The following TBC1D15 variants were observed in gnomAD, a reference collection of about 807,000 sequenced individuals.
TBC1D15 encodes the protein TBC1 domain family member 15.
A neutral mutation model predicts 95.4 loss-of-function variants in TBC1D15; 39 were observed. The ratio of observed to expected loss-of-function variants is 0.41; its 90% confidence interval spans 0.32 to 0.53. The LOEUF (loss-of-function observed/expected upper bound fraction) is 0.53. TBC1D15 is among the 20% of genes least tolerant of loss of function. The pLI is 0.29. For missense variants in TBC1D15, 733 were observed against 794.3 expected (o/e 0.92, Z 0.93); for synonymous variants, 258 against 261.3 (o/e 0.99, Z 0.12).
intron 10 of TBC1D15, among the ~76,000 whole-genome samples, chr12:71,903,608 G>A (rs2138841664): frequency 6.6e-6 from 1 of 152,278 alleles, no homozygotes; most frequent in African/African-American, 2.4e-5. Context: ...GAGAAGACAT[G>A]AAATCAGCCT....
At chr12:71,850,639 G>C (rs1396234487) in intron 1 of TBC1D15, among the ~76,000 whole-genome samples, 1 of 151,742 alleles carries the variant, frequency 6.6e-6, no homozygotes, top group Non-Finnish European at 1.5e-5. Context: ...TTGAACTCCT[G>C]CCCTCAAGGC....
At chr12:71,910,712 G>C (rs1023845259) in intron 11 of TBC1D15, among the ~76,000 whole-genome samples, 2 of 152,166 alleles carry the variant, frequency 1.3e-5, no homozygotes, top group African/African-American at 4.8e-5. Flanking sequence ...CATAGGCATG[G>C]GCAAGGACTT....
At position 71,869,084 on chromosome 12, in the gene TBC1D15, T is replaced by A. The variant is rs574154118; in HGVS notation, c.31-2986T>A. Among the ~76,000 whole-genome samples the A allele has an allele frequency of 1.4e-4, 21 of 152,336 alleles. No individual in the cohort carries two copies. The East Asian group carries it at 2.7e-3, about 20-fold the overall frequency. On this transcript the variant is annotated intron_variant, in intron 1 of 16. Transcript: ENST00000485960. The stretch of plus-strand genomic sequence containing the variant: ...GTGAATTAGATGAACATATTTGTCA[T>A]CTCACATAGTTACTTTTTTGTGACA...
intron 1 of TBC1D15, among the ~76,000 whole-genome samples, chr12:71,870,109 G>T (rs1301258475): frequency 6.6e-6 from 1 of 151,972 alleles, no homozygotes; most frequent in Non-Finnish European, 1.5e-5. Flanking sequence ...TGTGTGCATT[G>T]TCTGTTTCCC....
chr12:71,853,309 A>C (rs1382117077), intron 1 of TBC1D15, among the ~76,000 whole-genome samples: 1 of 152,156 alleles, frequency 6.6e-6, no homozygotes, highest in Non-Finnish European at 1.5e-5. Flanking sequence ...TAAACTGAGA[A>C]ACTGCCCCCA....
chr12:71,847,579 C>T lies in TBC1D15; in HGVS notation c.30+7768C>T, dbSNP rs145053022. 6.3e-4 allele frequency among the ~76,000 whole-genome samples: 95 copies of T among 151,836 alleles called. 1 individual carries two copies. Among genetic ancestry groups the T allele is most frequent in the African/African-American group, 2.2e-3 (90 of 41,390 alleles). Reference sequence around the variant, plus strand: ...GTGTGGTGGTATGTGCCTGTAATTCCAGCTACTCGGGAGGCTGAGGCAGGA... The same window carrying T: ...GTGTGGTGGTATGTGCCTGTAATTCTAGCTACTCGGGAGGCTGAGGCAGGA... On this transcript the variant is annotated intron_variant, in intron 1 of 16. Coordinates refer to ENST00000485960, the MANE Select transcript of TBC1D15 (RefSeq NM_001146213.3).
intron 12 of TBC1D15, among the ~76,000 whole-genome samples, chr12:71,914,869 T>A (rs1373129854): frequency 6.6e-6 from 1 of 152,018 alleles, no homozygotes; most frequent in East Asian, 1.9e-4. Flanking sequence ...TCCCTTTTGC[T>A]TGCCTATTTT....
chr12:71,913,946 C>T lies in TBC1D15; in HGVS notation c.1401+20C>T. On this transcript the variant is annotated intron_variant, in intron 12 of 16. Transcript: ENST00000485960. ...CAAATGGTAAGAACAGAGATTCCTT[C>T]CATTAAACTGATTTTTAAAATTTTA... is the stretch of plus-strand genomic sequence containing the variant. 2.0e-6 allele frequency: 3 copies of T among 1,523,362 alleles called. No individual in the cohort carries two copies. The highest frequency in any genetic ancestry group is 2.7e-6 in the Non-Finnish European group (3 of 1,123,218). 94.4% of individuals were successfully genotyped at this position (1,523,362 alleles called of 1,614,324 possible). A position where few individuals can be genotyped will look rare whatever the true frequency, so the allele number is the denominator to read the frequency against.
intron 5 of TBC1D15, among the ~76,000 whole-genome samples, chr12:71,888,218 C>T (rs1242227016): frequency 6.6e-6 from 1 of 152,088 alleles, no homozygotes; most frequent in African/African-American, 2.4e-5. Flanking sequence ...GCACACTGGC[C>T]TATGCCTGTA....
chr12:71,922,682 T>C (rs955773940), intron 16 of TBC1D15, among the ~76,000 whole-genome samples: 5 of 152,222 alleles, frequency 3.3e-5, no homozygotes, highest in Non-Finnish European at 5.9e-5. Flanking sequence ...AAGAAAGATA[T>C]TATTACAAAA....
chr12:71,859,046 C>G (rs1373971325), intron 1 of TBC1D15, among the ~76,000 whole-genome samples: 2 of 149,008 alleles, frequency 1.3e-5, no homozygotes, highest in African/African-American at 5.0e-5. Flanking sequence ...GAGATGGTAT[C>G]TCATTGAGAT....
chr12:71,881,841 C>G (rs530892670), intron 4 of TBC1D15, among the ~76,000 whole-genome samples: 3 of 145,922 alleles, frequency 2.1e-5, no homozygotes, highest in East Asian at 4.2e-4. Flanking sequence ...TCGCTTGAGC[C>G]TGGGAGGCAG....
chr12:71,854,949 T>C (rs1449444239), intron 1 of TBC1D15: 5 of 430,608 alleles, frequency 1.2e-5, no homozygotes, highest in African/African-American at 2.1e-5. Context: ...TTTAAGACTT[T>C]ACATTTTGTG....
At chr12:71,901,723 C>T (rs959122579) in intron 10 of TBC1D15, among the ~76,000 whole-genome samples, 3 of 152,050 alleles carry the variant, frequency 2.0e-5, no homozygotes, top group African/African-American at 4.8e-5. Context: ...CCCACTCTGA[C>T]ACTTTTATTC....
chr12:71,881,230 G>T (rs958042029), intron 4 of TBC1D15, among the ~76,000 whole-genome samples: 1 of 152,174 alleles, frequency 6.6e-6, no homozygotes, highest in Non-Finnish European at 1.5e-5. Context: ...ACATTTAGAC[G>T]TGTTTAGATA....
chr12:71,869,523 A>AAAAACAAAAC (rs200957061), intron 1 of TBC1D15, among the ~76,000 whole-genome samples: 12 of 152,218 alleles, frequency 7.9e-5, no homozygotes, highest in East Asian at 5.8e-4. Context: ...ACTGTGTCTC[A>AAAAACAAAAC]AAAACAAAAC....
At chr12:71,909,591 T>G (rs750055251) in intron 11 of TBC1D15, among the ~76,000 whole-genome samples, 1 of 152,172 alleles carries the variant, frequency 6.6e-6, no homozygotes, top group African/African-American at 2.4e-5. Flanking sequence ...TGATTTCTGA[T>G]CCTCAAGATT....
chr12:71,852,819 G>A (rs545143898), intron 1 of TBC1D15, among the ~76,000 whole-genome samples: 4 of 152,072 alleles, frequency 2.6e-5, no homozygotes, highest in African/African-American at 9.7e-5. Context: ...TTCACTCTCC[G>A]TATCACTGCC....
chr12:71,847,521 C>T (rs1886609619), intron 1 of TBC1D15, among the ~76,000 whole-genome samples: 1 of 151,720 alleles, frequency 6.6e-6, no homozygotes, highest in East Asian at 2.0e-4. Flanking sequence ...ATAGTGAAAC[C>T]TTGTCTCTAC....
Sources: gnomAD v4.1 joint callset for allele counts (sites outside exome capture counted in the v4.1 genomes callset) on GRCh38, gnomAD v4.1.1 for gene constraint, MANE v1.5 for transcripts, NCBI Gene and HGNC (gene_info 2026-07-23, HGNC 2026-07-21) for gene names.